The following ARHGAP42 variants were observed in gnomAD, a reference collection of about 807,000 sequenced individuals.
The protein encoded by ARHGAP42 is rho GTPase-activating protein 42.
Under a neutral mutation model 125.0 loss-of-function variants are expected in ARHGAP42, and 63 were observed. That is an observed-to-expected ratio of 0.50 (90% CI 0.41 to 0.62). ARHGAP42 has a LOEUF of 0.62. Ranked by LOEUF, ARHGAP42 falls within the 20% of genes least tolerant of loss-of-function variation. The probability of loss-of-function intolerance (pLI) is 0.00; values close to 1 mark genes in which losing one functional copy is unlikely to be tolerated. For missense variants in ARHGAP42, 766 were observed against 1,024.2 expected (o/e 0.75, Z 3.44); for synonymous variants, 339 against 351.0 (o/e 0.97, Z 0.38).
At chr11:100,907,966 T>A (rs1866791838) in intron 4 of ARHGAP42, among the ~76,000 whole-genome samples, 1 of 152,202 alleles carries the variant, frequency 6.6e-6, no homozygotes. Context: ...TATGCTAACA[T>A]GATAACAAAA....
At position 100,990,554 on chromosome 11, in the gene ARHGAP42, A is replaced by G. The variant is rs1023862263; in HGVS notation, c.*1753A>G. On this transcript the variant is annotated 3_prime_UTR_variant, in exon 24 of 24. Coordinates refer to ENST00000298815, the MANE Select transcript of ARHGAP42 (RefSeq NM_152432.4). Reference sequence around the variant, plus strand: ...GTAATAAAAATTAGCAATGTAATGTAAACGTTTGATAAAAGAGTATCTTTT... The same window carrying G: ...GTAATAAAAATTAGCAATGTAATGTGAACGTTTGATAAAAGAGTATCTTTT... The G allele has an allele frequency of 2.0e-5, 3 of 152,258 alleles. No homozygotes were observed. Among genetic ancestry groups the G allele is most frequent in the South Asian group, 2.1e-4 (1 of 4,828 alleles). The allele number at this position is 152,258 out of a possible 1,614,324, so 9.4% of individuals were successfully genotyped here.
intron 1 of ARHGAP42, among the ~76,000 whole-genome samples, chr11:100,741,956 G>A (rs533108668): frequency 2.0e-5 from 3 of 152,014 alleles, no homozygotes; most frequent in South Asian, 2.1e-4. Context: ...TTAGTTTTTC[G>A]GCTTTTTCAA....
intron 1 of ARHGAP42, among the ~76,000 whole-genome samples, chr11:100,705,277 A>G (rs1861465978): frequency 6.6e-6 from 1 of 152,236 alleles, no homozygotes; most frequent in African/African-American, 2.4e-5. Context: ...TTCATCTTTA[A>G]TCATTAGAAC....
intron 1 of ARHGAP42, among the ~76,000 whole-genome samples, chr11:100,737,700 T>C (rs1862096561): frequency 6.6e-6 from 1 of 152,216 alleles, no homozygotes. Flanking sequence ...CTTGAATAGA[T>C]GCTGACTTAT....
chr11:100,769,712 CTTTTTTTTTT>C (rs140626690), intron 1 of ARHGAP42, among the ~76,000 whole-genome samples: 1 of 78,094 alleles, frequency 1.3e-5, no homozygotes, highest in African/African-American at 5.6e-5. Context: ...AGCATTCCTT[CTTTTTTTTTT>C]TTTTTTTTTT....
At chr11:100,836,734 T>TC (rs1864796615) in intron 3 of ARHGAP42, among the ~76,000 whole-genome samples, 2 of 149,290 alleles carry the variant, frequency 1.3e-5, no homozygotes, top group Admixed American at 6.7e-5. Context: ...TGTTTTCTTT[T>TC]TTTTTTTTTT....
At chr11:100,740,457 C>T (rs139789539) in intron 1 of ARHGAP42, among the ~76,000 whole-genome samples, 1 of 152,288 alleles carries the variant, frequency 6.6e-6, no homozygotes, top group East Asian at 1.9e-4. Context: ...GCTCCAGGAA[C>T]AAAAGCTAGT....
chr11:100,897,401 A>T (rs1158267860), intron 4 of ARHGAP42, among the ~76,000 whole-genome samples: 1 of 152,132 alleles, frequency 6.6e-6, no homozygotes, highest in Non-Finnish European at 1.5e-5. Context: ...CTTGATGGGG[A>T]TGGCATTGAA....
At chr11:100,805,184 G>A (rs376633019) in intron 3 of ARHGAP42, among the ~76,000 whole-genome samples, 1 of 152,132 alleles carries the variant, frequency 6.6e-6, no homozygotes, top group Non-Finnish European at 1.5e-5. Flanking sequence ...AAACTCAAAG[G>A]CACATAACTA....
chr11:100,735,464 A>T (rs922176327), intron 1 of ARHGAP42, among the ~76,000 whole-genome samples: 10 of 152,188 alleles, frequency 6.6e-5, no homozygotes, highest in Admixed American at 5.2e-4. Context: ...AAAAAAGAAT[A>T]GGAAATAGGA....
At chr11:100,727,820 C>T (rs534727305) in intron 1 of ARHGAP42, among the ~76,000 whole-genome samples, 1 of 152,280 alleles carries the variant, frequency 6.6e-6, no homozygotes, top group South Asian at 2.1e-4. Flanking sequence ...TTCTGTGATA[C>T]ACTCCAGCAA....
At chr11:100,964,445 T>C (rs889261097) in intron 16 of ARHGAP42, among the ~76,000 whole-genome samples, 1 of 152,210 alleles carries the variant, frequency 6.6e-6, no homozygotes, top group Non-Finnish European at 1.5e-5. Flanking sequence ...ATGTCTCCAT[T>C]CCAATTGCTA....
chr11:100,761,237 A>G (rs532869501), intron 1 of ARHGAP42, among the ~76,000 whole-genome samples: 1 of 152,358 alleles, frequency 6.6e-6, no homozygotes, highest in South Asian at 2.1e-4. Flanking sequence ...TAACACAGAC[A>G]GTACTTTACA....
chr11:100,897,304 G>C (rs1444970474), intron 4 of ARHGAP42, among the ~76,000 whole-genome samples: 3 of 152,160 alleles, frequency 2.0e-5, no homozygotes, highest in Admixed American at 1.3e-4. Context: ...TTTTGCTTAG[G>C]ATTGACTTGG....
At chr11:100,892,528 G>C (rs780241958) in intron 4 of ARHGAP42, among the ~76,000 whole-genome samples, 4 of 152,104 alleles carry the variant, frequency 2.6e-5, no homozygotes, top group Non-Finnish European at 5.9e-5. Flanking sequence ...TCTGTGTTTA[G>C]AGAGTTTGGT....
At chr11:100,969,149 A>AC (rs1330903173) in intron 17 of ARHGAP42, among the ~76,000 whole-genome samples, 1 of 151,978 alleles carries the variant, frequency 6.6e-6, no homozygotes, top group East Asian at 1.9e-4. Flanking sequence ...TAGTTGGCAG[A>AC]CTTTTTTTTT....
intron 6 of ARHGAP42, among the ~76,000 whole-genome samples, chr11:100,932,429 A>G (rs984368650): frequency 4.6e-5 from 7 of 152,156 alleles, no homozygotes; most frequent in Non-Finnish European, 4.4e-5. Context: ...TTTTTCCAAT[A>G]TAACGTTCCA....
chr11:100,797,747 G>C (rs1343144508), intron 3 of ARHGAP42, among the ~76,000 whole-genome samples: 1 of 152,208 alleles, frequency 6.6e-6, no homozygotes, highest in Admixed American at 6.5e-5. Context: ...CATGGATCAA[G>C]GAGTAATTTT....
At chr11:100,880,176 T>C (rs1295132430) in intron 4 of ARHGAP42, among the ~76,000 whole-genome samples, 1 of 152,212 alleles carries the variant, frequency 6.6e-6, no homozygotes, top group African/African-American at 2.4e-5. Flanking sequence ...TTAGTGGTGA[T>C]TGGTGAGATT....
Sources: gnomAD v4.1 joint callset for allele counts (sites outside exome capture counted in the v4.1 genomes callset) on GRCh38, gnomAD v4.1.1 for gene constraint, MANE v1.5 for transcripts, NCBI Gene and HGNC (gene_info 2026-07-23, HGNC 2026-07-21) for gene names.